The following PPFIA2 variants were observed in gnomAD, a reference collection of about 807,000 sequenced individuals.
The protein encoded by PPFIA2 is PPFI scaffold protein A2.
In PPFIA2, 46 loss-of-function variants were observed where a neutral mutation model predicts 175.5. That is an observed-to-expected ratio of 0.26 (90% CI 0.21 to 0.34). The LOEUF is 0.34. Ranked by LOEUF, PPFIA2 falls within the 10% of genes least tolerant of loss-of-function variation. The probability of loss-of-function intolerance (pLI) is 1.00; values close to 1 mark genes in which losing one functional copy is unlikely to be tolerated. For missense variants in PPFIA2, 1,179 were observed against 1,506.1 expected, an observed-to-expected ratio of 0.78 and a Z score of 3.60; for synonymous variants, 568 against 511.4, an observed-to-expected ratio of 1.11 and a Z score of -1.49.
chr12:81,528,141 T>C (rs1055379778), intron 4 of PPFIA2, among the ~76,000 whole-genome samples: 1 of 57,118 alleles, frequency 1.8e-5, no homozygotes, highest in Non-Finnish European at 2.8e-5. Flanking sequence ...TTAGCAGATA[T>C]TCAGTATTTT....
intron 7 of PPFIA2, among the ~76,000 whole-genome samples, chr12:81,438,627 A>G (rs2049548287): frequency 6.6e-6 from 1 of 152,178 alleles, no homozygotes. Flanking sequence ...ACTTATCTTT[A>G]CTGATATTAG....
intron 4 of PPFIA2, among the ~76,000 whole-genome samples, chr12:81,673,304 T>C (rs1207443991): frequency 6.6e-6 from 1 of 152,086 alleles, no homozygotes; most frequent in African/African-American, 2.4e-5. Context: ...CCCCAGTACT[T>C]CAGTATTCAA....
intron 3 of PPFIA2, among the ~76,000 whole-genome samples, chr12:81,725,342 G>A (rs955206584): frequency 2.0e-5 from 3 of 150,816 alleles, no homozygotes; most frequent in African/African-American, 7.3e-5. Context: ...AGCCAATAGA[G>A]ACCACAGTTT....
intron 4 of PPFIA2, among the ~76,000 whole-genome samples, chr12:81,495,388 TTTTTA>T (rs1422875022): frequency 1.3e-5 from 2 of 152,170 alleles, no homozygotes; most frequent in African/African-American, 4.8e-5. Context: ...AATTTATATT[TTTTTA>T]TTTTGCCTAA....
intron 3 of PPFIA2, among the ~76,000 whole-genome samples, chr12:81,721,424 C>G: frequency 6.6e-6 from 1 of 150,574 alleles, no homozygotes. Context: ...AAATTCTATT[C>G]CATTAACACC....
Position 81,642,733 on chromosome 12 carries a change from ATATG to A in PPFIA2, c.303+34054_303+34057del, listed in dbSNP as rs1426100449. 1.2e-3 allele frequency among the ~76,000 whole-genome samples: 10 copies of A among 8,116 alleles called. 4 individuals are homozygous for A. The highest frequency in any genetic ancestry group is 4.2e-3 in the Admixed American group (3 of 714). 5.3% of individuals were successfully genotyped at this position (8,116 alleles called of 152,430 possible). A position where few individuals can be genotyped will look rare whatever the true frequency, so the allele number is the denominator to read the frequency against. On this transcript the variant is annotated intron_variant, in intron 4 of 32. Coordinates refer to ENST00000549396, the MANE Select transcript of PPFIA2 (RefSeq NM_003625.5). ...ATGTATGTATTATATACATACATGTATATGTATGTATGTATTATATACATACATG... is the reference window on the plus strand; with the variant it reads ...ATGTATGTATTATATACATACATGTATATGTATGTATTATATACATACATG...
At chr12:81,286,656 C>A (rs2043498408) in intron 24 of PPFIA2, among the ~76,000 whole-genome samples, 1 of 151,960 alleles carries the variant, frequency 6.6e-6, no homozygotes, top group Non-Finnish European at 1.5e-5. Flanking sequence ...TTTCTCAGAA[C>A]ATATATCTGC....
chr12:81,404,513 G>A (rs557911695), intron 8 of PPFIA2, among the ~76,000 whole-genome samples: 14 of 152,094 alleles, frequency 9.2e-5, no homozygotes, highest in Non-Finnish European at 2.1e-4. Context: ...TACTGAAGCA[G>A]TATCAGTTTA....
chr12:81,623,357 T>A (rs1471047549), intron 4 of PPFIA2, among the ~76,000 whole-genome samples: 1 of 151,970 alleles, frequency 6.6e-6, no homozygotes, highest in Non-Finnish European at 1.5e-5. Context: ...CAAATAAGTG[T>A]CATGAGAAAT....
At chr12:81,508,467 G>C (rs2061417942) in intron 4 of PPFIA2, among the ~76,000 whole-genome samples, 1 of 132,222 alleles carries the variant, frequency 7.6e-6, no homozygotes, top group Non-Finnish European at 1.5e-5. Flanking sequence ...GTTGTGGTGA[G>C]CCAAGATCAT....
intron 7 of PPFIA2, among the ~76,000 whole-genome samples, chr12:81,415,210 A>AATATATATATATATATATAT (rs1203608883): frequency 1.7e-4 from 3 of 17,348 alleles, no homozygotes; most frequent in Admixed American, 1.3e-3. Flanking sequence ...AAAAAAAAAA[A>AATATATATATATATATATAT]ATATATATAT....
chr12:81,739,223 T>C (rs1324804853), intron 3 of PPFIA2, among the ~76,000 whole-genome samples: 1 of 151,990 alleles, frequency 6.6e-6, no homozygotes, highest in East Asian at 1.9e-4. Flanking sequence ...AAAAACAAAT[T>C]AAATATATTT....
At chr12:81,580,395 T>C (rs751070775) in intron 4 of PPFIA2, among the ~76,000 whole-genome samples, 24 of 151,786 alleles carry the variant, frequency 1.6e-4, no homozygotes, top group Non-Finnish European at 2.9e-5. Flanking sequence ...TCCATACTAA[T>C]AACTTTAGGG....
At chr12:81,705,045 T>C (rs1455969105) in intron 3 of PPFIA2, among the ~76,000 whole-genome samples, 2 of 124,890 alleles carry the variant, frequency 1.6e-5, no homozygotes, top group African/African-American at 6.2e-5. Context: ...GATTGTGTCA[T>C]TGCACTCCAA....
intron 31 of PPFIA2, 106 bp downstream of exon 31, chr12:81,263,125 C>T: frequency 8.4e-7 from 1 of 1,192,668 alleles, no homozygotes. Flanking sequence ...TCAAGCAGAG[C>T]AAACCAACTC....
Position 81,731,581 on chromosome 12 carries a change from G to T in PPFIA2, c.249+22392C>A, listed in dbSNP as rs114694463. Among the ~76,000 whole-genome samples, 300 of 151,676 alleles carry T rather than the reference G, an allele frequency of 2.0e-3. 1 individual carries two copies. Among genetic ancestry groups the T allele is most frequent in the African/African-American group, 7.0e-3 (290 of 41,452 alleles). ...AACATTTGCTTTTAAAGACACTTCAGTTAATTAAAAATATATAAGGTTGAA... is the reference window on the plus strand; with the variant it reads ...AACATTTGCTTTTAAAGACACTTCATTTAATTAAAAATATATAAGGTTGAA... On this transcript the variant is annotated intron_variant, in intron 3 of 32. Transcript: ENST00000549396.
At chr12:81,555,936 C>T (rs1010392352) in intron 4 of PPFIA2, among the ~76,000 whole-genome samples, 1 of 151,824 alleles carries the variant, frequency 6.6e-6, no homozygotes, top group Non-Finnish European at 1.5e-5. Flanking sequence ...CAGGATAATT[C>T]AGAGTTTTTA....
At chr12:81,437,511 G>A (rs1355807561) in intron 7 of PPFIA2, among the ~76,000 whole-genome samples, 1 of 152,102 alleles carries the variant, frequency 6.6e-6, no homozygotes, top group Non-Finnish European at 1.5e-5. Flanking sequence ...GGGATTACAG[G>A]TGTGAACCAC....
intron 7 of PPFIA2, among the ~76,000 whole-genome samples, chr12:81,433,873 A>G (rs10862312): frequency 0.19 from 28,943 of 152,066 alleles, 4,109 homozygotes; most frequent in East Asian, 0.42. Flanking sequence ...CTTGTTGAAC[A>G]GTCGTAATAC....
Sources: gnomAD v4.1 joint callset for allele counts (sites outside exome capture counted in the v4.1 genomes callset) on GRCh38, gnomAD v4.1.1 for gene constraint, MANE v1.5 for transcripts, NCBI Gene and HGNC (gene_info 2026-07-23, HGNC 2026-07-21) for gene names.